The following NTM variants were observed in gnomAD, a reference collection of about 807,000 sequenced individuals.
The protein encoded by NTM is neurotrimin.
A neutral mutation model predicts 42.1 loss-of-function variants in NTM; 13 were observed. The ratio of observed to expected loss-of-function variants is 0.31; its 90% CI spans 0.20 to 0.49. The LOEUF is 0.49. NTM is among the 20% of genes least tolerant of loss of function. The pLI, the probability that NTM is intolerant of heterozygous loss-of-function variation, is 0.99. For missense variants in NTM, 373 were observed against 452.8 expected, an observed-to-expected ratio of 0.82 and a Z score of 1.60; for synonymous variants, 187 against 179.2, an observed-to-expected ratio of 1.04 and a Z score of -0.35.
intron 1 of NTM, among the ~76,000 whole-genome samples, chr11:131,739,191 T>G (rs1374870853): frequency 1.3e-5 from 2 of 152,028 alleles, no homozygotes; most frequent in Admixed American, 6.6e-5. Context: ...AGTTTTCTTT[T>G]TTTTTTTTTA....
chr11:132,212,001 C>T, intron 3 of NTM, 21 bp from the exon 4 acceptor site: 1 of 1,599,344 alleles, frequency 6.3e-7, no homozygotes, highest in South Asian at 1.1e-5. Flanking sequence ...TTTTTATTTT[C>T]ATTCTGTCTT....
chr11:131,590,018 G>A (rs557340936), intron 1 of NTM, among the ~76,000 whole-genome samples: 7 of 152,330 alleles, frequency 4.6e-5, no homozygotes, highest in South Asian at 2.1e-4. Flanking sequence ...GAACTGGAAC[G>A]TTCTCACTCC....
intron 1 of NTM, among the ~76,000 whole-genome samples, chr11:131,581,587 G>C (rs1307866518): frequency 2.0e-5 from 3 of 152,192 alleles, no homozygotes; most frequent in Admixed American, 6.5e-5. Context: ...ATAGAGTTCA[G>C]ACAAGGGGAC....
chr11:131,993,423 G>A (rs1174374661), intron 2 of NTM, among the ~76,000 whole-genome samples: 2 of 152,084 alleles, frequency 1.3e-5, no homozygotes, highest in Non-Finnish European at 2.9e-5. Flanking sequence ...GTGATGGAGG[G>A]GGAGAAATGG....
chr11:132,335,056 C>T lies in NTM; in HGVS notation c.978C>T (p.Ala326=), dbSNP rs144032156. ...TALTPWKGPG[A]VSEVSNGTSR... is the part of the protein sequence containing the mutation. ...GTGTTCTCTCCACAGGTCCAGGCGC[C>T]GTCAGCGAGGTGAGCAACGGCACGT... is the stretch of plus-strand genomic sequence containing the variant. Residue 326 remains alanine, a synonymous_variant, in exon 9 of 9, where the codon GCC becomes GCT. Transcript: ENST00000683400. 4.2e-4 allele frequency: 682 copies of T among 1,612,266 alleles called. 1 individual carries two copies. The African/African-American group carries it at 7.2e-3, about 17-fold the overall frequency.
intron 1 of NTM, among the ~76,000 whole-genome samples, chr11:131,557,001 G>A (rs1320491344): frequency 5.3e-5 from 8 of 152,020 alleles, no homozygotes; most frequent in East Asian, 1.9e-4. Context: ...CTGTGCATGC[G>A]TGTGTGTTTG....
Position 132,336,742 on chromosome 11 carries a change from G to A in NTM, c.*1596G>A, listed in dbSNP as rs2095875306. 1 of 151,818 alleles carries A rather than the reference G, an allele frequency of 6.6e-6. No homozygotes were observed. 9.4% of individuals were successfully genotyped at this position (151,818 alleles called of 1,614,324 possible). ...CTCGGGGAGGGGTCCTGGATGTGATGAGGGAAAGGGGGATTGGGGGATCCG... is the reference window on the plus strand; with the variant it reads ...CTCGGGGAGGGGTCCTGGATGTGATAAGGGAAAGGGGGATTGGGGGATCCG... On this transcript the variant is annotated 3_prime_UTR_variant, in exon 9 of 9. Coordinates refer to ENST00000683400, the MANE Select transcript of NTM (RefSeq NM_001352005.2).
At chr11:132,232,698 A>T (rs1421885447) in intron 4 of NTM, among the ~76,000 whole-genome samples, 1 of 152,234 alleles carries the variant, frequency 6.6e-6, no homozygotes, top group African/African-American at 2.4e-5. Context: ...TGTAAACATG[A>T]ACACATTACG....
At chr11:131,639,080 G>A (rs76026404) in intron 1 of NTM, among the ~76,000 whole-genome samples, 4,410 of 152,314 alleles carry the variant, frequency 0.029, 82 homozygotes, top group African/African-American at 0.051. Context: ...TCACACAGCT[G>A]TTGAGTGTCA....
rs540141209 is a variant in NTM, at chr11:131,567,594, C to T, written c.82+196706C>T. 4.6e-5 allele frequency among the ~76,000 whole-genome samples: 7 copies of T among 152,312 alleles called. No individual in the cohort carries two copies. In the South Asian group the frequency reaches 1.0e-3, roughly 23 times the overall value. On this transcript the variant is annotated intron_variant, in intron 1 of 8. Coordinates refer to ENST00000683400, the MANE Select transcript of NTM (RefSeq NM_001352005.2). The stretch of plus-strand genomic sequence containing the variant: ...ATTGGAAGCATTGCTGCTCAGGGCC[C>T]ATCCTGTTAACTCTTCCAGTTCATG...
chr11:131,815,736 C>A (rs892177572), intron 1 of NTM, among the ~76,000 whole-genome samples: 3 of 152,142 alleles, frequency 2.0e-5, no homozygotes, highest in African/African-American at 7.2e-5. Context: ...GGGATATTTT[C>A]CAGAGGCAGG....
At chr11:131,932,529 A>G (rs1188604707) in intron 2 of NTM, among the ~76,000 whole-genome samples, 3 of 152,204 alleles carry the variant, frequency 2.0e-5, no homozygotes, top group African/African-American at 7.2e-5. Flanking sequence ...CAGAATGTTG[A>G]TCTTCATTTA....
chr11:131,414,528 C>T (rs1442551528), intron 1 of NTM, among the ~76,000 whole-genome samples: 1 of 152,160 alleles, frequency 6.6e-6, no homozygotes, highest in African/African-American at 2.4e-5. Flanking sequence ...TTCTGAAGTT[C>T]AGGAGCATTC....
chr11:132,020,061 CTGA>C (rs1292939857), intron 2 of NTM, among the ~76,000 whole-genome samples: 1 of 151,990 alleles, frequency 6.6e-6, no homozygotes, highest in Non-Finnish European at 1.5e-5. Flanking sequence ...TGTTTAACTC[CTGA>C]TTATAAGTGA....
At chr11:132,047,625 T>G (rs2078206068) in intron 2 of NTM, among the ~76,000 whole-genome samples, 1 of 152,240 alleles carries the variant, frequency 6.6e-6, no homozygotes, top group Admixed American at 6.5e-5. Flanking sequence ...TCTGAGCAGA[T>G]AGCAGCCTCC....
At chr11:131,856,427 C>A (rs1486579199) in intron 1 of NTM, among the ~76,000 whole-genome samples, 1 of 152,152 alleles carries the variant, frequency 6.6e-6, no homozygotes, top group East Asian at 1.9e-4. Flanking sequence ...AAGAATATCT[C>A]ACCAAAATTA....
intron 4 of NTM, among the ~76,000 whole-genome samples, chr11:132,224,175 C>A (rs964960750): frequency 1.3e-5 from 2 of 152,220 alleles, no homozygotes; most frequent in African/African-American, 4.8e-5. Flanking sequence ...TAGACCCAAC[C>A]TCTGCATGCC....
intron 2 of NTM, among the ~76,000 whole-genome samples, chr11:132,072,805 C>G (rs1197998913): frequency 6.6e-6 from 1 of 152,248 alleles, no homozygotes; most frequent in East Asian, 1.9e-4. Context: ...CCTTATTTTA[C>G]GGTTGTGATT....
intron 1 of NTM, among the ~76,000 whole-genome samples, chr11:131,870,652 G>A (rs1324386957): frequency 6.6e-6 from 1 of 152,036 alleles, no homozygotes; most frequent in African/African-American, 2.4e-5. Context: ...GAATCTTAAG[G>A]GGGAGAAAGT....
Sources: gnomAD v4.1 joint callset for allele counts (sites outside exome capture counted in the v4.1 genomes callset) on GRCh38, gnomAD v4.1.1 for gene constraint, MANE v1.5 for transcripts, NCBI Gene and HGNC (gene_info 2026-07-23, HGNC 2026-07-21) for gene names.